Variants in NF1 observed in about 807,000 individuals in gnomAD.
NF1 encodes neurofibromin.
Under a neutral mutation model 325.7 loss-of-function variants are expected in NF1, and 122 were observed. The observed-to-expected ratio is 0.37, with a 90% CI of 0.32 to 0.44. The LOEUF is 0.44. Ranked by LOEUF, NF1 falls within the 20% of genes least tolerant of loss-of-function variation. NF1 has a pLI of 1.00. For synonymous variants in NF1, 1,091 were observed against 1,186.0 expected (o/e 0.92, Z 1.65); for missense variants, 2,140 against 3,415.4 (o/e 0.63, Z 9.31).
At chr17:31,299,692 A>G (rs1597794888) in intron 36 of NF1, 1 of 152,118 alleles carries the variant, frequency 6.6e-6, no homozygotes, top group Non-Finnish European at 1.5e-5. Flanking sequence ...TGCTGAATAC[A>G]ACTGAGAGTA....
chr17:31,163,608 C>T (rs1267547950), intron 4 of NF1, among the ~76,000 whole-genome samples: 1 of 152,076 alleles, frequency 6.6e-6, no homozygotes, highest in Non-Finnish European at 1.5e-5. Flanking sequence ...GCATTAATAT[C>T]TTTGACATTT....
At chr17:31,306,845 T>C (rs143543457) in intron 36 of NF1, among the ~76,000 whole-genome samples, 58 of 151,672 alleles carry the variant, frequency 3.8e-4, no homozygotes, top group African/African-American at 1.3e-3. Context: ...TTTCAGATTC[T>C]AGTGATAGAA....
chr17:31,334,672 T>G, intron 39 of NF1, 166 bp from the exon 40 acceptor site: 1 of 620,562 alleles, frequency 1.6e-6, no homozygotes, highest in East Asian at 2.8e-5. Context: ...AGGACTGTTC[T>G]TTCTTCGCCT....
chr17:31,187,053 A>G (rs905575647), intron 8 of NF1, among the ~76,000 whole-genome samples: 4 of 152,162 alleles, frequency 2.6e-5, no homozygotes, highest in Admixed American at 1.3e-4. Context: ...CCTGTATGCA[A>G]TGCTTCTGCC....
Position 31,332,846 on chromosome 17 carries a change from G to A in NF1, c.5813-1992G>A, listed in dbSNP as rs1204584057. Among the ~76,000 whole-genome samples, 4 of 41,506 alleles carry A rather than the reference G, an allele frequency of 9.6e-5. 2 individuals carry two copies. The highest frequency in any genetic ancestry group is 0.032 in the Middle Eastern group (2 of 62). The allele number at this position is 41,506 out of a possible 152,430, so 27.2% of individuals were successfully genotyped here. On this transcript the variant is annotated intron_variant, in intron 39 of 57. Coordinates refer to ENST00000358273, the MANE Select transcript of NF1 (RefSeq NM_001042492.3). ...ATGCGGTGTTTGGTTTTTTGTTCTTGCGATAGTTTACTGAGAATGATGGTT... is the reference window on the plus strand; with the variant it reads ...ATGCGGTGTTTGGTTTTTTGTTCTTACGATAGTTTACTGAGAATGATGGTT...
chr17:31,145,238 A>T (rs927854437), intron 1 of NF1, among the ~76,000 whole-genome samples: 1 of 152,076 alleles, frequency 6.6e-6, no homozygotes, highest in Non-Finnish European at 1.5e-5. Context: ...TGTTGCCCAG[A>T]CTGGAGTGCA....
intron 29 of NF1, among the ~76,000 whole-genome samples, chr17:31,237,656 C>CTTTTT (rs34107657): frequency 1.6e-4 from 20 of 126,092 alleles, no homozygotes; most frequent in Non-Finnish European, 3.0e-4. Context: ...CTCATGTCTA[C>CTTTTT]TTTTTTTTTT....
intron 4 of NF1, among the ~76,000 whole-genome samples, chr17:31,164,872 G>A (rs1260335881): frequency 6.6e-6 from 1 of 152,084 alleles, no homozygotes; most frequent in Non-Finnish European, 1.5e-5. Flanking sequence ...ATAGAAAAAT[G>A]TTTTCATGAA....
chr17:31,130,197 A>G (rs1245255151), intron 1 of NF1, among the ~76,000 whole-genome samples: 1 of 151,694 alleles, frequency 6.6e-6, no homozygotes, highest in East Asian at 1.9e-4. Flanking sequence ...CTCCCGGAGT[A>G]CATGGGTCCT....
intron 36 of NF1, chr17:31,320,391 G>A (rs1199602787): frequency 8.1e-6 from 13 of 1,608,708 alleles, no homozygotes; most frequent in Non-Finnish European, 1.1e-5. Context: ...TATAGGTAGG[G>A]CCTGAAAGTC....
rs1295844079 is a variant in NF1 at position 31,376,293 on chromosome 17, TC to T, written c.*2141del. 3 of 232,872 alleles carry T rather than the reference TC, an allele frequency of 1.3e-5. No individual in the cohort carries two copies. The highest frequency in any genetic ancestry group is 1.2e-3 in the Middle Eastern group (1 of 808). The allele number at this position is 232,872 out of a possible 1,614,324, so 14.4% of individuals were successfully genotyped here. On this transcript the variant is annotated 3_prime_UTR_variant, in exon 58 of 58. Transcript: ENST00000358273. ...AGTGGGTGTTATGCTATTTTGCTCT[TC>T]CCATCAAAATAAAGAAACTTCCAGA... is the stretch of plus-strand genomic sequence containing the variant.
chr17:31,301,863 T>G (rs2151505579), intron 36 of NF1, among the ~76,000 whole-genome samples: 1 of 152,348 alleles, frequency 6.6e-6, no homozygotes, highest in South Asian at 2.1e-4. Context: ...GGTGTGAACT[T>G]TAATCTACCT....
chr17:31,355,094 C>T (rs1284398730), intron 51 of NF1, among the ~76,000 whole-genome samples: 2 of 151,942 alleles, frequency 1.3e-5, no homozygotes, highest in South Asian at 2.1e-4. Context: ...ACCTGGAATT[C>T]GGGAAGAAAG....
rs2069385970 is a variant in NF1 at position 31,327,810 on chromosome 17, T to TA, written c.5582dup (p.Asn1861LysfsTer6). 1 of 1,614,192 alleles carries TA rather than the reference T, an allele frequency of 6.2e-7. No homozygotes were observed. The highest frequency in any genetic ancestry group is 1.1e-5 in the South Asian group (1 of 91,082). ...GGACACTGCTCAATATCGCATTACT[T>TA]AATTTAGGCAGTTCTGACCCGAGTT... On this transcript the variant is annotated frameshift_variant, in exon 38 of 58. Transcript: ENST00000358273. LOFTEE classifies it high-confidence loss of function.
intron 36 of NF1, among the ~76,000 whole-genome samples, chr17:31,292,996 G>A (rs1400306531): frequency 6.6e-6 from 1 of 151,810 alleles, no homozygotes; most frequent in African/African-American, 2.4e-5. Flanking sequence ...TGGCCAACAT[G>A]ATGAAGCCCC....
At chr17:31,288,464 T>C (rs1203086946) in intron 36 of NF1, among the ~76,000 whole-genome samples, 2 of 152,034 alleles carry the variant, frequency 1.3e-5, no homozygotes, top group East Asian at 1.9e-4. Flanking sequence ...AATTAACCTT[T>C]CTCTAGAATT....
chr17:31,295,117 T>A, intron 36 of NF1: 1 of 1,614,164 alleles, frequency 6.2e-7, no homozygotes, highest in South Asian at 1.1e-5. Context: ...TGGTTGTCTC[T>A]TCCCTCCATA....
intron 57 of NF1, chr17:31,362,221 T>TCTTGC: frequency 1.3e-6 from 1 of 745,224 alleles, no homozygotes; most frequent in Non-Finnish European, 1.6e-6. Context: ...CTGCTTCTGG[T>TCTTGC]CTTGCCCATT....
chr17:31,156,537 C>G (rs1000412995), intron 2 of NF1, among the ~76,000 whole-genome samples: 10 of 152,088 alleles, frequency 6.6e-5, no homozygotes, highest in African/African-American at 2.4e-4. Flanking sequence ...TGTCCCAGCC[C>G]TAAGTAGATG....
Sources: gnomAD v4.1 joint callset for allele counts (sites outside exome capture counted in the v4.1 genomes callset) on GRCh38, gnomAD v4.1.1 for gene constraint, MANE v1.5 for transcripts, NCBI Gene and HGNC (gene_info 2026-07-23, HGNC 2026-07-21) for gene names.